The following NEDD4 variants were observed in gnomAD, a reference collection of about 807,000 sequenced individuals.
NEDD4 encodes the protein NEDD4 E3 ubiquitin protein ligase, also known as E3 ubiquitin-protein ligase NEDD4.
Under a neutral mutation model 144.9 loss-of-function variants are expected in NEDD4, and 99 were observed. The ratio of observed to expected loss-of-function variants is 0.68; its 90% CI spans 0.58 to 0.81. NEDD4 has a LOEUF of 0.81. NEDD4 is among the 30% of genes least tolerant of loss of function. The pLI is 0.00. For synonymous variants in NEDD4, 318 were observed against 350.6 expected (o/e 0.91, Z 1.04); for missense variants, 985 against 1,065.9 (o/e 0.92, Z 1.06).
chr15:55,832,524 C>T (rs1414435984), intron 27 of NEDD4, among the ~76,000 whole-genome samples: 1 of 152,168 alleles, frequency 6.6e-6, no homozygotes, highest in East Asian at 1.9e-4. Flanking sequence ...AAGCAATTCT[C>T]CTGCCTCAGC....
At chr15:55,891,083 T>C (rs547862623) in intron 5 of NEDD4, among the ~76,000 whole-genome samples, 1 of 152,320 alleles carries the variant, frequency 6.6e-6, no homozygotes, top group South Asian at 2.1e-4. Context: ...ATTGGTTGTC[T>C]TTGGGAACAA....
At chr15:55,844,150 G>C (rs1291816374) in intron 18 of NEDD4, among the ~76,000 whole-genome samples, 1 of 152,046 alleles carries the variant, frequency 6.6e-6, no homozygotes, top group African/African-American at 2.4e-5. Flanking sequence ...TGAGAGGTCT[G>C]ATATATTTAA....
At chr15:55,853,999 GA>G (rs1320346546) in intron 12 of NEDD4, among the ~76,000 whole-genome samples, 2 of 151,774 alleles carry the variant, frequency 1.3e-5, no homozygotes, top group Non-Finnish European at 2.9e-5. Flanking sequence ...CAAAATAACA[GA>G]AATTAGCTGG....
At chr15:55,914,244 C>G (rs528372720) in intron 5 of NEDD4, among the ~76,000 whole-genome samples, 42 of 150,370 alleles carry the variant, frequency 2.8e-4, no homozygotes, top group Non-Finnish European at 5.0e-4. Context: ...ATGGATGTTA[C>G]AAAAACACAG....
chr15:55,867,032 T>A (rs1306812077), intron 8 of NEDD4, among the ~76,000 whole-genome samples: 3 of 152,206 alleles, frequency 2.0e-5, no homozygotes, highest in Non-Finnish European at 4.4e-5. Context: ...TTATGTTAAT[T>A]TTGTAAAATA....
At chr15:55,954,323 T>C (rs1482424056) in intron 2 of NEDD4, among the ~76,000 whole-genome samples, 1 of 152,222 alleles carries the variant, frequency 6.6e-6, no homozygotes, top group African/African-American at 2.4e-5. Context: ...GCCAGTTAAA[T>C]ACTGATATTC....
intron 4 of NEDD4, among the ~76,000 whole-genome samples, chr15:55,950,413 A>G (rs2037216798): frequency 6.6e-6 from 1 of 152,224 alleles, no homozygotes; most frequent in Non-Finnish European, 1.5e-5. Context: ...AAGAAGACAA[A>G]CAAAAAATCT....
At chr15:55,984,942 A>G (rs2037865702) in intron 1 of NEDD4, among the ~76,000 whole-genome samples, 1 of 152,254 alleles carries the variant, frequency 6.6e-6, no homozygotes, top group Non-Finnish European at 1.5e-5. Flanking sequence ...TAGATTGAGA[A>G]GCAATTGTGT....
At chr15:55,898,919 G>T (rs948443595) in intron 5 of NEDD4, among the ~76,000 whole-genome samples, 31 of 152,118 alleles carry the variant, frequency 2.0e-4, no homozygotes, top group African/African-American at 7.2e-4. Context: ...GGGCTTACAG[G>T]CGTGAGCCAC....
intron 5 of NEDD4, among the ~76,000 whole-genome samples, chr15:55,913,395 A>G (rs2036336190): frequency 6.6e-6 from 1 of 152,126 alleles, no homozygotes; most frequent in Non-Finnish European, 1.5e-5. Context: ...ATATTTAGAA[A>G]AAACAACACT....
chr15:55,988,217 CG>C (rs1566979895), intron 1 of NEDD4, among the ~76,000 whole-genome samples: 1 of 130,488 alleles, frequency 7.7e-6, no homozygotes, highest in Non-Finnish European at 1.6e-5. Context: ...AGTAAACTAT[CG>C]CAAGAACAAA....
chr15:55,850,134 T>C (rs2033924650), intron 14 of NEDD4, among the ~76,000 whole-genome samples: 1 of 152,188 alleles, frequency 6.6e-6, no homozygotes, highest in South Asian at 2.1e-4. Context: ...AGCCAAGCAC[T>C]AAACAATTTT....
chr15:55,946,268 T>A (rs1220963941), intron 4 of NEDD4, among the ~76,000 whole-genome samples: 1 of 152,174 alleles, frequency 6.6e-6, no homozygotes, highest in East Asian at 1.9e-4. Context: ...CCACCTCATG[T>A]GCAGAGACAC....
At chr15:55,845,700 A>G (rs1029304399) in intron 18 of NEDD4, among the ~76,000 whole-genome samples, 1 of 152,194 alleles carries the variant, frequency 6.6e-6, no homozygotes, top group Non-Finnish European at 1.5e-5. Context: ...TATTTAGCAG[A>G]ACAATAAATC....
At chr15:55,852,835 T>C (rs1012294278) in intron 12 of NEDD4, among the ~76,000 whole-genome samples, 10 of 151,844 alleles carry the variant, frequency 6.6e-5, no homozygotes, top group African/African-American at 2.4e-4. Flanking sequence ...CTGCAACCTC[T>C]GCTTCCTGGG....
intron 5 of NEDD4, among the ~76,000 whole-genome samples, chr15:55,874,865 T>G (rs926605832): frequency 1.3e-5 from 2 of 151,972 alleles, no homozygotes. Context: ...TCCCAGCTAC[T>G]TGGGAGGCTG....
chr15:55,933,320 C>G (rs1281646160), intron 4 of NEDD4, among the ~76,000 whole-genome samples: 1 of 152,012 alleles, frequency 6.6e-6, no homozygotes, highest in Admixed American at 6.6e-5. Flanking sequence ...GAAAATGTGG[C>G]AGATATACAC....
chr15:55,950,731 CGA>C (rs1484058347), intron 4 of NEDD4, among the ~76,000 whole-genome samples: 10 of 152,134 alleles, frequency 6.6e-5, no homozygotes, highest in Middle Eastern at 3.4e-3. Context: ...AACAGAGAAA[CGA>C]CTCAACAGCT....
At position 55,884,465 on chromosome 15, in the gene NEDD4, C is replaced by A. The variant is rs556587314; in HGVS notation, c.292-10457G>T. Among the ~76,000 whole-genome samples, 4 of 152,166 alleles carry A rather than the reference C, an allele frequency of 2.6e-5. No individual in the cohort carries two copies. The South Asian group carries it at 8.3e-4, about 32-fold the overall frequency. ...AATGTGCTAAATAAAGCACCAGGGA[C>A]CTATCCCAGAAACAGAGATATATGT... On this transcript the variant is annotated intron_variant, in intron 5 of 28. Coordinates refer to ENST00000435532, the MANE Select transcript of NEDD4 (RefSeq NM_006154.4).
Sources: gnomAD v4.1 joint callset for allele counts (sites outside exome capture counted in the v4.1 genomes callset) on GRCh38, gnomAD v4.1.1 for gene constraint, MANE v1.5 for transcripts, NCBI Gene and HGNC (gene_info 2026-07-23, HGNC 2026-07-21) for gene names.